Variants in LRFN2 observed in about 807,000 individuals in gnomAD.
LRFN2 encodes the protein leucine rich repeat and fibronectin type III domain containing 2.
LRFN2 carries 18 observed loss-of-function variants against 37.3 expected under a neutral mutation model. That is an observed-to-expected ratio of 0.48 (90% CI 0.33 to 0.72). The LOEUF (loss-of-function observed/expected upper bound fraction) is 0.72. LRFN2 is among the 30% of genes least tolerant of loss of function. LRFN2 has a pLI of 0.02. For missense variants in LRFN2, 1,006 were observed against 1,060.7 expected (o/e 0.95, Z 0.72); for synonymous variants, 556 against 466.6 (o/e 1.19, Z -2.47).
chr6:40,459,270 A>G (rs931474965), intron 1 of LRFN2, among the ~76,000 whole-genome samples: 6 of 152,144 alleles, frequency 3.9e-5, no homozygotes, highest in African/African-American at 1.4e-4. Context: ...TGGCCACCAC[A>G]TTTTCAACAA....
At chr6:40,575,166 C>A (rs973995088) in intron 1 of LRFN2, among the ~76,000 whole-genome samples, 22 of 152,002 alleles carry the variant, frequency 1.4e-4, no homozygotes, top group African/African-American at 5.3e-4. Flanking sequence ...CCGCAGTGGG[C>A]AGCACGCAGC....
intron 1 of LRFN2, among the ~76,000 whole-genome samples, chr6:40,473,933 C>T (rs1194648685): frequency 6.6e-6 from 1 of 152,190 alleles, no homozygotes; most frequent in Non-Finnish European, 1.5e-5. Flanking sequence ...ATGCCCTTAA[C>T]CACTATTACA....
intron 2 of LRFN2, among the ~76,000 whole-genome samples, chr6:40,398,928 T>C (rs1264541228): frequency 6.6e-6 from 1 of 151,908 alleles, no homozygotes; most frequent in Non-Finnish European, 1.5e-5. Context: ...TACTGTGGGC[T>C]CTCGAATCTG....
intron 1 of LRFN2, among the ~76,000 whole-genome samples, chr6:40,446,118 T>C (rs1473817545): frequency 1.3e-5 from 2 of 152,090 alleles, no homozygotes; most frequent in East Asian, 3.9e-4. Flanking sequence ...GACCTCACCA[T>C]TAGTTTAGGA....
chr6:40,400,944 G>A (rs1762726586), intron 2 of LRFN2, among the ~76,000 whole-genome samples: 1 of 151,580 alleles, frequency 6.6e-6, no homozygotes, highest in South Asian at 2.1e-4. Context: ...AGGGGTCCTG[G>A]TCCTAGGCAA....
chr6:40,584,021 C>T (rs1179064771), intron 1 of LRFN2, among the ~76,000 whole-genome samples: 1 of 152,236 alleles, frequency 6.6e-6, no homozygotes, highest in African/African-American at 2.4e-5. Context: ...GGGAGGGAAG[C>T]AGGTGCCAGG....
chr6:40,561,747 C>T (rs953663469), intron 1 of LRFN2, among the ~76,000 whole-genome samples: 6 of 152,200 alleles, frequency 3.9e-5, no homozygotes, highest in Admixed American at 3.3e-4. Flanking sequence ...GCTTAATCCA[C>T]ACCTATCCCT....
At chr6:40,422,206 C>A (rs1033538836) in intron 2 of LRFN2, among the ~76,000 whole-genome samples, 1 of 152,142 alleles carries the variant, frequency 6.6e-6, no homozygotes, top group Non-Finnish European at 1.5e-5. Context: ...TGAAGCAAAT[C>A]TCAAAGAGAT....
intron 1 of LRFN2, among the ~76,000 whole-genome samples, chr6:40,515,080 A>G (rs967234104): frequency 6.6e-6 from 1 of 152,172 alleles, no homozygotes; most frequent in East Asian, 1.9e-4. Flanking sequence ...TCTAAAAGCC[A>G]TTTATTTTTG....
intron 1 of LRFN2, among the ~76,000 whole-genome samples, chr6:40,449,156 C>A (rs1184197363): frequency 6.6e-6 from 1 of 152,094 alleles, no homozygotes; most frequent in African/African-American, 2.4e-5. Flanking sequence ...GCTAAGAGAG[C>A]GCACTTCAAA....
chr6:40,477,125 A>G (rs1363864913), intron 1 of LRFN2, among the ~76,000 whole-genome samples: 1 of 152,192 alleles, frequency 6.6e-6, no homozygotes, highest in Non-Finnish European at 1.5e-5. Context: ...CCAGCAGATC[A>G]ATTACATCGG....
intron 1 of LRFN2, among the ~76,000 whole-genome samples, chr6:40,458,850 T>C (rs1476168861): frequency 6.6e-6 from 1 of 152,140 alleles, no homozygotes; most frequent in Non-Finnish European, 1.5e-5. Flanking sequence ...AACCATAAGA[T>C]AGAAGAATCC....
intron 1 of LRFN2, among the ~76,000 whole-genome samples, chr6:40,548,468 T>C (rs1033944649): frequency 1.3e-5 from 2 of 151,210 alleles, no homozygotes; most frequent in African/African-American, 4.9e-5. Context: ...AGAAAAATAG[T>C]ACCTACCTTA....
chr6:40,562,318 C>T (rs1767012839), intron 1 of LRFN2, among the ~76,000 whole-genome samples: 1 of 151,960 alleles, frequency 6.6e-6, no homozygotes, highest in Admixed American at 6.6e-5. Flanking sequence ...GTACACGCTG[C>T]CTAAGGACCA....
intron 1 of LRFN2, among the ~76,000 whole-genome samples, chr6:40,435,153 CAGAGAGAGAG>C (rs10583784): frequency 3.5e-5 from 4 of 113,600 alleles, no homozygotes; most frequent in African/African-American, 6.1e-5. Context: ...TATATATATA[CAGAGAGAGAG>C]AGAGAGAGAG....
At chr6:40,431,571 C>G (rs753663992) in intron 2 of LRFN2, 143 bp downstream of exon 2, 4 of 601,608 alleles carry the variant, frequency 6.6e-6, no homozygotes, top group African/African-American at 3.7e-5. Flanking sequence ...CTTACCTGCA[C>G]GAATGGCACA....
intron 1 of LRFN2, among the ~76,000 whole-genome samples, chr6:40,445,295 G>T (rs1161777653): frequency 2.0e-5 from 3 of 152,224 alleles, no homozygotes; most frequent in Admixed American, 1.3e-4. Flanking sequence ...AATTGAAGCC[G>T]AGGAAGCTTC....
intron 1 of LRFN2, among the ~76,000 whole-genome samples, chr6:40,535,424 G>C (rs1050217131): frequency 2.0e-5 from 3 of 152,186 alleles, no homozygotes; most frequent in East Asian, 1.9e-4. Flanking sequence ...GAATTCCAAA[G>C]AGAAGGGAAG....
intron 1 of LRFN2, among the ~76,000 whole-genome samples, chr6:40,472,279 A>G (rs970053809): frequency 6.6e-6 from 1 of 152,168 alleles, no homozygotes; most frequent in African/African-American, 2.4e-5. Context: ...CAATTGGTCG[A>G]TTCCATCAAA....
Sources: allele counts gnomAD v4.1 joint callset (sites outside exome capture counted in the v4.1 genomes callset), GRCh38; gene constraint gnomAD v4.1.1; transcripts MANE v1.5; gene names NCBI Gene and HGNC (gene_info 2026-07-23, HGNC 2026-07-21).